Variants in NOVA2 observed in about 807,000 individuals in gnomAD.
The protein encoded by NOVA2 is NOVA alternative splicing regulator 2, also known as RNA-binding protein Nova-2.
A neutral mutation model predicts 22.5 loss-of-function variants in NOVA2; 9 were observed. The observed-to-expected ratio is 0.40, with a 90% confidence interval of 0.24 to 0.70. The LOEUF (loss-of-function observed/expected upper bound fraction) is 0.70, where lower values mean the gene tolerates loss of function less well. NOVA2 is among the 30% of genes least tolerant of loss of function. NOVA2 has a pLI of 0.38. For synonymous variants in NOVA2, 318 were observed against 335.2 expected, an observed-to-expected ratio of 0.95 and a Z score of 0.56; for missense variants, 383 against 682.8, an observed-to-expected ratio of 0.56 and a Z score of 4.89.
At chr19:45,953,636 C>T (rs1429242967) in intron 3 of NOVA2, 144 bp downstream of exon 3, 24 of 970,758 alleles carry the variant, frequency 2.5e-5, no homozygotes, top group Non-Finnish European at 3.8e-5. Flanking sequence ...AAAAATAATA[C>T]TAACCACTAC....
Position 45,937,197 on chromosome 19 carries a change from C to T in NOVA2, c.*2666G>A, listed in dbSNP as rs1261725145. 6.6e-6 allele frequency: 1 copy of T among 152,172 alleles called. No individual in the cohort carries two copies. The highest frequency in any genetic ancestry group is 1.5e-5 in the Non-Finnish European group (1 of 68,046). 9.4% of individuals were successfully genotyped at this position (152,172 alleles called of 1,614,324 possible). A position where few individuals can be genotyped will look rare whatever the true frequency, so the allele number is the denominator to read the frequency against. On this transcript the variant is annotated 3_prime_UTR_variant, in exon 4 of 4. Coordinates refer to ENST00000263257, the MANE Select transcript of NOVA2 (RefSeq NM_002516.4). ...GGGAGGGGTTGTTACACAGACACCC[C>T]AAGCAAACACTTTTCAGGAGGCCCA... is the stretch of plus-strand genomic sequence containing the variant.
chr19:45,946,785 T>C (rs1967845817), intron 3 of NOVA2, among the ~76,000 whole-genome samples: 1 of 151,584 alleles, frequency 6.6e-6, no homozygotes, highest in Non-Finnish European at 1.5e-5. Context: ...GACAGGAGAA[T>C]TGCTTGAACC....
intron 1 of NOVA2, among the ~76,000 whole-genome samples, chr19:45,968,344 C>A (rs1968192751): frequency 6.6e-6 from 1 of 151,730 alleles, no homozygotes; most frequent in Admixed American, 6.6e-5. Flanking sequence ...AGCAGTACTG[C>A]CGAGGAGGGG....
At chr19:45,954,031 G>A in intron 2 of NOVA2, 85 bp from the exon 3 acceptor site, 3 of 1,452,734 alleles carry the variant, frequency 2.1e-6, no homozygotes, top group Non-Finnish European at 2.9e-6. Flanking sequence ...AATGGAAGAG[G>A]CAAGCTGAGG....
intron 1 of NOVA2, among the ~76,000 whole-genome samples, chr19:45,963,128 A>T (rs1383666796): frequency 6.6e-6 from 1 of 152,028 alleles, no homozygotes; most frequent in Non-Finnish European, 1.5e-5. Flanking sequence ...TAATCCCAGC[A>T]CTGTGGAAGG....
chr19:45,945,572 T>C (rs903229767), intron 3 of NOVA2, among the ~76,000 whole-genome samples: 1 of 152,088 alleles, frequency 6.6e-6, no homozygotes, highest in African/African-American at 2.4e-5. Flanking sequence ...CCTAAAGTGC[T>C]GGGATTACAG....
intron 1 of NOVA2, among the ~76,000 whole-genome samples, chr19:45,963,924 C>T (rs1004020586): frequency 6.6e-6 from 1 of 152,124 alleles, no homozygotes; most frequent in African/African-American, 2.4e-5. Flanking sequence ...GATGAATCCC[C>T]GTTTCATGCC....
At chr19:45,973,152 G>C in intron 1 of NOVA2, 115 bp downstream of exon 1, 1 of 359,874 alleles carries the variant, frequency 2.8e-6, no homozygotes, top group Non-Finnish European at 5.0e-6. Context: ...GCCTCGGGGA[G>C]GGGTGTCTCT....
At chr19:45,966,349 G>A (rs1050374926) in intron 1 of NOVA2, among the ~76,000 whole-genome samples, 1 of 152,224 alleles carries the variant, frequency 6.6e-6, no homozygotes, top group Admixed American at 6.5e-5. Flanking sequence ...CCTTGGTTCA[G>A]GTGCTGGGGA....
intron 1 of NOVA2, among the ~76,000 whole-genome samples, chr19:45,964,384 GTGTGTGT>G (rs1968141439): frequency 6.7e-6 from 1 of 148,798 alleles, no homozygotes; most frequent in Non-Finnish European, 1.5e-5. Context: ...GTGTGTGTGT[GTGTGTGT>G]GTGTGTGTAT....
At chr19:45,958,596 A>C (rs1183456345) in intron 2 of NOVA2, among the ~76,000 whole-genome samples, 7 of 148,822 alleles carry the variant, frequency 4.7e-5, no homozygotes, top group South Asian at 4.3e-4. Context: ...AGTGTGTGTG[A>C]GCATGACAGT....
intron 3 of NOVA2, among the ~76,000 whole-genome samples, chr19:45,941,523 C>T (rs768964227): frequency 6.6e-6 from 1 of 151,946 alleles, no homozygotes; most frequent in African/African-American, 2.4e-5. Context: ...TTCCCTACCC[C>T]TCCTCTCCAG....
intron 3 of NOVA2, among the ~76,000 whole-genome samples, chr19:45,951,385 G>A (rs1009227125): frequency 1.3e-5 from 2 of 152,190 alleles, no homozygotes; most frequent in Non-Finnish European, 2.9e-5. Context: ...GGGAGGCCAA[G>A]GAAGGCAGAT....
chr19:45,969,318 A>G (rs1179337814), intron 1 of NOVA2, among the ~76,000 whole-genome samples: 1 of 151,906 alleles, frequency 6.6e-6, no homozygotes, highest in Non-Finnish European at 1.5e-5. Context: ...CAGCCTGGGC[A>G]ACATAGCAAG....
At chr19:45,944,574 G>T (rs894865715) in intron 3 of NOVA2, among the ~76,000 whole-genome samples, 1 of 152,106 alleles carries the variant, frequency 6.6e-6, no homozygotes, top group Admixed American at 6.5e-5. Context: ...ATAAAACATG[G>T]TATATCCATA....
At chr19:45,952,044 C>T (rs1967934364) in intron 3 of NOVA2, among the ~76,000 whole-genome samples, 1 of 151,934 alleles carries the variant, frequency 6.6e-6, no homozygotes, top group African/African-American at 2.4e-5. Context: ...ATTTATAATC[C>T]CTGGTTTGGC....
intron 2 of NOVA2, among the ~76,000 whole-genome samples, chr19:45,959,897 T>C (rs1410490567): frequency 6.7e-6 from 1 of 148,668 alleles, no homozygotes; most frequent in Non-Finnish European, 1.5e-5. Context: ...GCTCTGGTGT[T>C]TGACCTAAAA....
chr19:45,965,829 G>C (rs1968160618), intron 1 of NOVA2, among the ~76,000 whole-genome samples: 1 of 152,244 alleles, frequency 6.6e-6, no homozygotes, highest in Non-Finnish European at 1.5e-5. Context: ...TATACAATGG[G>C]AATCATGATA....
At chr19:45,960,152 A>C (rs1968074003) in intron 2 of NOVA2, among the ~76,000 whole-genome samples, 1 of 151,804 alleles carries the variant, frequency 6.6e-6, no homozygotes, top group South Asian at 2.1e-4. Context: ...GAAGGGAAGA[A>C]AAAACCAGGA....
Sources: allele counts gnomAD v4.1 joint callset (sites outside exome capture counted in the v4.1 genomes callset), GRCh38; gene constraint gnomAD v4.1.1; transcripts MANE v1.5; gene names NCBI Gene and HGNC (gene_info 2026-07-23, HGNC 2026-07-21).